The following ARHGAP18 variants were observed in gnomAD, a reference collection of about 807,000 sequenced individuals.
The protein encoded by ARHGAP18 is rho GTPase-activating protein 18.
Under a neutral mutation model 86.2 loss-of-function variants are expected in ARHGAP18, and 67 were observed. The observed-to-expected ratio is 0.78, with a 90% CI of 0.64 to 0.95. ARHGAP18 has a LOEUF of 0.95. ARHGAP18 is among the 40% of genes least tolerant of loss of function. The probability of loss-of-function intolerance (pLI) is 0.00; values close to 1 mark genes in which losing one functional copy is unlikely to be tolerated. For synonymous variants in ARHGAP18, 283 were observed against 280.4 expected, an observed-to-expected ratio of 1.01 and a Z score of -0.09; for missense variants, 691 against 780.4, an observed-to-expected ratio of 0.89 and a Z score of 1.37.
intron 4 of ARHGAP18, among the ~76,000 whole-genome samples, chr6:129,630,606 T>C (rs1478229639): frequency 6.6e-6 from 1 of 152,232 alleles, no homozygotes; most frequent in Non-Finnish European, 1.5e-5. Context: ...AAATAATGTT[T>C]ATATTCATTT....
At chr6:129,666,748 C>A (rs1395448356) in intron 1 of ARHGAP18, among the ~76,000 whole-genome samples, 1 of 152,162 alleles carries the variant, frequency 6.6e-6, no homozygotes, top group Non-Finnish European at 1.5e-5. Context: ...AAGTAGAGAT[C>A]AAAAACAAGT....
At chr6:129,703,052 A>G (rs1264806693) in intron 1 of ARHGAP18, among the ~76,000 whole-genome samples, 1 of 152,194 alleles carries the variant, frequency 6.6e-6, no homozygotes, top group Non-Finnish European at 1.5e-5. Flanking sequence ...AGACAGCCAC[A>G]GGGCATGGAC....
At chr6:129,684,549 T>C (rs191066826) in intron 1 of ARHGAP18, among the ~76,000 whole-genome samples, 80 of 152,326 alleles carry the variant, frequency 5.3e-4, no homozygotes, top group Non-Finnish European at 1.2e-4. Context: ...GTGAACATGT[T>C]AGAATGCTGT....
chr6:129,671,340 T>C (rs1774137514), intron 1 of ARHGAP18, among the ~76,000 whole-genome samples: 1 of 152,156 alleles, frequency 6.6e-6, no homozygotes, highest in Non-Finnish European at 1.5e-5. Context: ...TCAGAAAACA[T>C]TCTGCATGAG....
At chr6:129,596,505 A>G (rs1788618768) in intron 12 of ARHGAP18, among the ~76,000 whole-genome samples, 1 of 152,202 alleles carries the variant, frequency 6.6e-6, no homozygotes, top group South Asian at 2.1e-4. Flanking sequence ...TAAATCACAT[A>G]CTAACACATT....
intron 1 of ARHGAP18, among the ~76,000 whole-genome samples, chr6:129,660,765 T>G (rs1011905797): frequency 3.3e-5 from 5 of 152,100 alleles, no homozygotes. Context: ...GTTGTGCCCA[T>G]GAAAGAGTTA....
At chr6:129,669,477 A>G (rs1774104109) in intron 1 of ARHGAP18, among the ~76,000 whole-genome samples, 1 of 147,758 alleles carries the variant, frequency 6.8e-6, no homozygotes, top group Admixed American at 6.7e-5. Flanking sequence ...CGGCCCTAAC[A>G]TGCACTTTTT....
chr6:129,608,807 T>C (rs745950082), intron 8 of ARHGAP18, among the ~76,000 whole-genome samples: 2 of 152,240 alleles, frequency 1.3e-5, no homozygotes, highest in Non-Finnish European at 2.9e-5. Flanking sequence ...GTCACTTTCC[T>C]CTGTTACATG....
chr6:129,648,820 G>A lies in ARHGAP18; in HGVS notation c.114-6802C>T, dbSNP rs150529193. ...GAACTACTGTAATCACTATCATGGT[G>A]AGATGGTAAAGCTATTAATACTGTG... is the stretch of plus-strand genomic sequence containing the variant. On this transcript the variant is annotated intron_variant, in intron 1 of 14. Coordinates refer to ENST00000368149, the MANE Select transcript of ARHGAP18 (RefSeq NM_033515.3). 1.5e-3 allele frequency among the ~76,000 whole-genome samples: 231 copies of A among 152,194 alleles called. 1 individual carries two copies. Among genetic ancestry groups the A allele is most frequent in the African/African-American group, 5.4e-3 (225 of 41,532 alleles).
At position 129,685,632 on chromosome 6, in the gene ARHGAP18, A is replaced by G. The variant is rs975526032; in HGVS notation, c.113+24392T>C. Among the ~76,000 whole-genome samples, 3 of 152,370 alleles carry G rather than the reference A, an allele frequency of 2.0e-5. No individual in the cohort carries two copies. The East Asian group carries it at 5.8e-4, about 29-fold the overall frequency. ...TTGTTACATATTTTTCATTAAAAAG[A>G]GATGTCAAAAAAGCCCAGCCTTCTC... On this transcript the variant is annotated intron_variant, in intron 1 of 14. Transcript: ENST00000368149.
rs574766083 is a variant in ARHGAP18 at position 129,660,337 on chromosome 6, A to G, written c.114-18319T>C. On this transcript the variant is annotated intron_variant, in intron 1 of 14. Transcript: ENST00000368149. Reference sequence around the variant, plus strand: ...TCCAAAGGGCATTGGTAGAAACAAAAGTGAAAGGACACATTCAAGAAGCTT... The same window carrying G: ...TCCAAAGGGCATTGGTAGAAACAAAGGTGAAAGGACACATTCAAGAAGCTT... 2.6e-5 allele frequency among the ~76,000 whole-genome samples: 4 copies of G among 152,378 alleles called. No individual in the cohort carries two copies. In the South Asian group the frequency reaches 8.3e-4, roughly 32 times the overall value.
chr6:129,696,688 C>A (rs1714802707), intron 1 of ARHGAP18, among the ~76,000 whole-genome samples: 1 of 151,624 alleles, frequency 6.6e-6, no homozygotes. Context: ...AAAGATTATC[C>A]AATATAAAGT....
chr6:129,633,912 T>C, intron 4 of ARHGAP18, 130 bp downstream of exon 4: 1 of 768,536 alleles, frequency 1.3e-6, no homozygotes, highest in Non-Finnish European at 2.0e-6. Context: ...AATGATCCAC[T>C]TGAGACCTTA....
intron 12 of ARHGAP18, among the ~76,000 whole-genome samples, chr6:129,594,590 C>A (rs901080087): frequency 2.0e-5 from 3 of 152,152 alleles, no homozygotes; most frequent in African/African-American, 7.2e-5. Context: ...CCTTGAAATT[C>A]AGGCCCCTGT....
At position 129,600,750 on chromosome 6, in the gene ARHGAP18, C is replaced by T; in HGVS notation, c.1464G>A (p.Met488Ile). Residue 488 changes from methionine to isoleucine, a missense_variant, in exon 11 of 15, where the codon ATG becomes ATA. By Grantham distance (10) the Met-to-Ile change is conservative (BLOSUM62 1). Coordinates refer to ENST00000368149, the MANE Select transcript of ARHGAP18 (RefSeq NM_033515.3). ...VAMVMAPNLF[M>I]CHALGLKSSE... Reference sequence around the variant, plus strand: ...TGGACTTCAATCCCAATGCATGACACATAAAGAGATTCGGGGCCATGACCA... The same window carrying T: ...TGGACTTCAATCCCAATGCATGACATATAAAGAGATTCGGGGCCATGACCA... 2 of 1,613,730 alleles carry T rather than the reference C, an allele frequency of 1.2e-6. No individual in the cohort carries two copies. Among genetic ancestry groups the T allele is most frequent in the Non-Finnish European group, 1.7e-6 (2 of 1,179,804 alleles).
intron 4 of ARHGAP18, among the ~76,000 whole-genome samples, chr6:129,632,685 A>G (rs886998321): frequency 6.6e-6 from 1 of 152,320 alleles, no homozygotes. Flanking sequence ...AATGCATACA[A>G]CTGAAGAAAC....
At chr6:129,607,817 G>A in intron 9 of ARHGAP18, 76 bp downstream of exon 9, 1 of 1,419,214 alleles carries the variant, frequency 7.0e-7, no homozygotes, top group Non-Finnish European at 9.3e-7. Flanking sequence ...CGTTCTTTGT[G>A]ATGCCAAATG....
At chr6:129,672,102 C>T (rs1774151981) in intron 1 of ARHGAP18, among the ~76,000 whole-genome samples, 1 of 152,102 alleles carries the variant, frequency 6.6e-6, no homozygotes, top group African/African-American at 2.4e-5. Flanking sequence ...CACGCGCACA[C>T]ACACACGCTT....
rs1788223849 is a variant in ARHGAP18, at chr6:129,578,471, ATG to A, written c.*40_*41del. ...TTACACTCTTGACTCAGCAAGAATT[ATG>A]ACAGAAGTCCACATGGTTATCTGCA... On this transcript the variant is annotated 3_prime_UTR_variant, in exon 15 of 15. Transcript: ENST00000368149. 2 of 1,501,864 alleles carry A rather than the reference ATG, an allele frequency of 1.3e-6. No homozygotes were observed. Among genetic ancestry groups the A allele is most frequent in the African/African-American group, 1.4e-5 (1 of 72,588 alleles). The allele number at this position is 1,501,864 out of a possible 1,614,324, so 93.0% of individuals were successfully genotyped here.
Sources: allele counts gnomAD v4.1 joint callset (sites outside exome capture counted in the v4.1 genomes callset), GRCh38; gene constraint gnomAD v4.1.1; transcripts MANE v1.5; gene names NCBI Gene and HGNC (gene_info 2026-07-23, HGNC 2026-07-21).